SGIP1: variants seen among roughly 807,000 people sequenced by gnomAD.
SGIP1 encodes SH3GL interacting endocytic adaptor 1, also known as SH3-containing GRB2-like protein 3-interacting protein 1.
Under a neutral mutation model 107.5 loss-of-function variants are expected in SGIP1, and 38 were observed. The observed-to-expected ratio is 0.35, with a 90% CI of 0.27 to 0.46. The LOEUF (loss-of-function observed/expected upper bound fraction) is 0.46. Among genes scored for constraint, SGIP1 ranks in the 20% least tolerant of loss-of-function variants. The probability of loss-of-function intolerance (pLI) is 1.00; values close to 1 mark genes in which losing one functional copy is unlikely to be tolerated. For synonymous variants in SGIP1, 365 were observed against 366.1 expected, an observed-to-expected ratio of 1.00 and a Z score of 0.03; for missense variants, 929 against 1,019.5, an observed-to-expected ratio of 0.91 and a Z score of 1.21.
chr1:66,637,621 G>C (rs2076043491), intron 4 of SGIP1, among the ~76,000 whole-genome samples: 1 of 151,064 alleles, frequency 6.6e-6, no homozygotes, highest in Non-Finnish European at 1.5e-5. Context: ...ATCTTCCTTT[G>C]GTTTTCATGC....
At position 66,749,793 on chromosome 1, in the gene SGIP1, C is replaced by A. The variant is rs2094600097; in HGVS notation, c.*6698C>A. 6.6e-6 allele frequency among the ~76,000 whole-genome samples: 1 copy of A among 151,878 alleles called. No individual in the cohort carries two copies. Among genetic ancestry groups the A allele is most frequent in the South Asian group, 2.1e-4 (1 of 4,820 alleles). The stretch of plus-strand genomic sequence containing the variant: ...TAAATGCTTGATGTTATTCATTCAC[C>A]ATCACTCTAAGGTATTTTAAATCAT... On this transcript the variant is annotated 3_prime_UTR_variant, in exon 25 of 25. Coordinates refer to ENST00000371037, the MANE Select transcript of SGIP1 (RefSeq NM_032291.4).
chr1:66,574,527 A>G (rs2060797707), intron 1 of SGIP1, among the ~76,000 whole-genome samples: 1 of 152,118 alleles, frequency 6.6e-6, no homozygotes, highest in Non-Finnish European at 1.5e-5. Context: ...TATGAGAACA[A>G]TTAGATTGTT....
Position 66,748,891 on chromosome 1 carries a change from T to A in SGIP1, c.*5796T>A, listed in dbSNP as rs1451378439. On this transcript the variant is annotated 3_prime_UTR_variant, in exon 25 of 25. Coordinates refer to ENST00000371037, the MANE Select transcript of SGIP1 (RefSeq NM_032291.4). ...AGCTTAAGAAAGTTATTGAATCAGG[T>A]AAAAAAAATTTTTTCTAAGCACACC... is the stretch of plus-strand genomic sequence containing the variant. 6.6e-6 allele frequency among the ~76,000 whole-genome samples: 1 copy of A among 151,504 alleles called. No individual in the cohort carries two copies. Among genetic ancestry groups the A allele is most frequent in the Non-Finnish European group, 1.5e-5 (1 of 67,818 alleles).
chr1:66,711,804 CA>C (rs367890923), intron 18 of SGIP1, among the ~76,000 whole-genome samples: 1,869 of 152,208 alleles, frequency 0.012, 41 homozygotes, highest in African/African-American at 0.043. Context: ...ATTGTGTTTT[CA>C]GGGTGACTGT....
At chr1:66,626,121 A>G (rs4655504) in intron 2 of SGIP1, 42,237 of 301,516 alleles carry the variant, frequency 0.14, 5,579 homozygotes, top group East Asian at 0.45. Flanking sequence ...AGTTTTTATC[A>G]CATTTTTCTT....
intron 1 of SGIP1, among the ~76,000 whole-genome samples, chr1:66,601,985 T>C (rs1034846636): frequency 2.3e-4 from 35 of 152,232 alleles, no homozygotes; most frequent in African/African-American, 7.5e-4. Context: ...AGACCTCACC[T>C]TTCTGATGCA....
intron 1 of SGIP1, among the ~76,000 whole-genome samples, chr1:66,542,825 A>T (rs1200358754): frequency 6.6e-6 from 1 of 152,198 alleles, no homozygotes; most frequent in Non-Finnish European, 1.5e-5. Flanking sequence ...CACTAAGGTT[A>T]AGTGACACTC....
chr1:66,568,923 T>A (rs1199956018), intron 1 of SGIP1, among the ~76,000 whole-genome samples: 1 of 151,892 alleles, frequency 6.6e-6, no homozygotes, highest in Non-Finnish European at 1.5e-5. Context: ...CTACCCCATA[T>A]AGCACAGAGC....
intron 13 of SGIP1, among the ~76,000 whole-genome samples, chr1:66,679,256 C>T (rs1359166239): frequency 6.6e-6 from 1 of 152,174 alleles, no homozygotes; most frequent in African/African-American, 2.4e-5. Flanking sequence ...CCTGTGATTT[C>T]CGTTATCAAA....
chr1:66,602,854 A>G (rs4655636), intron 1 of SGIP1, among the ~76,000 whole-genome samples: 95,532 of 151,988 alleles, frequency 0.63, 30,824 homozygotes, highest in East Asian at 1. Context: ...AATACCAGAA[A>G]TTTCCTAGAA....
Position 66,597,253 on chromosome 1 carries a change from C to T in SGIP1, c.11-28594C>T, listed in dbSNP as rs79191676. 5.6e-3 allele frequency among the ~76,000 whole-genome samples: 846 copies of T among 152,322 alleles called. 8 individuals carry two copies. The highest frequency in any genetic ancestry group is 0.019 in the African/African-American group (791 of 41,564). The stretch of plus-strand genomic sequence containing the variant: ...AGGCCCCAATGTCTATTGTTCCCTT[C>T]TTTGTGTTCATGAGTTCTCTTCATT... On this transcript the variant is annotated intron_variant, in intron 1 of 24. Coordinates refer to ENST00000371037, the MANE Select transcript of SGIP1 (RefSeq NM_032291.4).
chr1:66,645,753 T>C (rs1037021562), intron 7 of SGIP1, among the ~76,000 whole-genome samples: 2 of 152,208 alleles, frequency 1.3e-5, no homozygotes, highest in Non-Finnish European at 2.9e-5. Flanking sequence ...AGAGAGGTTG[T>C]AACTGAAAAC....
intron 8 of SGIP1, among the ~76,000 whole-genome samples, chr1:66,663,460 G>A (rs1013759601): frequency 6.6e-6 from 1 of 152,128 alleles, no homozygotes; most frequent in Non-Finnish European, 1.5e-5. Flanking sequence ...CCTCCTGGCT[G>A]ATAATAATTT....
At position 66,591,158 on chromosome 1, in the gene SGIP1, C is replaced by T. The variant is rs531065152; in HGVS notation, c.11-34689C>T. 3.3e-5 allele frequency among the ~76,000 whole-genome samples: 5 copies of T among 152,300 alleles called. No homozygotes were observed. In the South Asian group the frequency reaches 1.0e-3, roughly 32 times the overall value. ...GAGTGAGAAGAGGTCTCTGACCCTT[C>T]CCTCTATCTACAGCCTTTCTACACA... is the stretch of plus-strand genomic sequence containing the variant. On this transcript the variant is annotated intron_variant, in intron 1 of 24. Transcript: ENST00000371037.
rs375005164 is a variant in SGIP1 at position 66,750,021 on chromosome 1, C to T, written c.*6926C>T. Among the ~76,000 whole-genome samples the T allele has an allele frequency of 1.3e-4, 18 of 137,624 alleles. 2 individuals are homozygous for T. Among genetic ancestry groups the T allele is most frequent in the Admixed American group, 1.3e-3 (17 of 13,246 alleles). The allele number at this position is 137,624 out of a possible 152,430, so 90.3% of individuals were successfully genotyped here. A position where few individuals can be genotyped will look rare whatever the true frequency, so the allele number is the denominator to read the frequency against. ...TCTCTCTCTCTCTCTCTCTCTTTCT[C>T]TGTGTGTGTGTGGGGGTGTGTGTGT... On this transcript the variant is annotated 3_prime_UTR_variant, in exon 25 of 25. Coordinates refer to ENST00000371037, the MANE Select transcript of SGIP1 (RefSeq NM_032291.4).
At chr1:66,644,357 A>G (rs1158354790) in intron 7 of SGIP1, among the ~76,000 whole-genome samples, 1 of 152,014 alleles carries the variant, frequency 6.6e-6, no homozygotes, top group African/African-American at 2.4e-5. Context: ...AAAAAAAAAA[A>G]AGAGATTATT....
chr1:66,636,738 C>T (rs1039082370), intron 4 of SGIP1, among the ~76,000 whole-genome samples: 2 of 152,148 alleles, frequency 1.3e-5, no homozygotes, highest in African/African-American at 2.4e-5. Context: ...TTAGGCAGTA[C>T]GTCATGTACC....
In SGIP1 at chr1:66,730,030, G is replaced by C. The variant is rs138241398; in HGVS notation, c.1898+611G>C. 1.2e-4 allele frequency among the ~76,000 whole-genome samples: 18 copies of C among 152,204 alleles called. No homozygotes were observed. The East Asian group carries it at 3.5e-3, about 30-fold the overall frequency. On this transcript the variant is annotated intron_variant, in intron 20 of 24. Coordinates refer to ENST00000371037, the MANE Select transcript of SGIP1 (RefSeq NM_032291.4). ...TTGGCCAGGCTGGTCTCAAACTACTGACCTCAAGTGATCTGCCTGCCTTGG... is the reference window on the plus strand; with the variant it reads ...TTGGCCAGGCTGGTCTCAAACTACTCACCTCAAGTGATCTGCCTGCCTTGG...
In SGIP1 at chr1:66,605,658, G is replaced by T. The variant is rs558011801; in HGVS notation, c.11-20189G>T. 2.0e-5 allele frequency among the ~76,000 whole-genome samples: 3 copies of T among 151,846 alleles called. No homozygotes were observed. The East Asian group carries it at 5.8e-4, about 29-fold the overall frequency. ...AACAATGACTCACAACCCCTTTATA[G>T]CCCAAAACAAGCTGGTATTTTTGTC... On this transcript the variant is annotated intron_variant, in intron 1 of 24. Transcript: ENST00000371037.
Sources: allele counts gnomAD v4.1 joint callset (sites outside exome capture counted in the v4.1 genomes callset), GRCh38; gene constraint gnomAD v4.1.1; transcripts MANE v1.5; gene names NCBI Gene and HGNC (gene_info 2026-07-23, HGNC 2026-07-21).